Variants in FAM209B observed in about 807,000 individuals in gnomAD.
FAM209B encodes protein FAM209B.
In FAM209B, 8 loss-of-function variants were observed where a neutral mutation model predicts 8.9. The ratio of observed to expected loss-of-function variants is 0.90; its 90% CI spans 0.53 to 1.62. The LOEUF is 1.62. Among genes scored for constraint, FAM209B ranks in the 40% most tolerant of loss-of-function variants. The pLI, the probability that FAM209B is intolerant of heterozygous loss-of-function variation, is 0.00. For missense variants in FAM209B, 175 were observed against 205.3 expected (o/e 0.85, Z 0.90); for synonymous variants, 67 against 75.0 (o/e 0.89, Z 0.55).
chr20:56,536,130 A>G (rs772042666), intron 1 of FAM209B, 42 bp from the exon 2 acceptor site: 8 of 1,476,906 alleles, frequency 5.4e-6, no homozygotes, highest in Non-Finnish European at 6.3e-6. Flanking sequence ...CAAAACCAGC[A>G]AAGTCCATGA....
At chr20:56,535,760 C>G (rs1182189514) in intron 1 of FAM209B, among the ~76,000 whole-genome samples, 4 of 152,092 alleles carry the variant, frequency 2.6e-5, no homozygotes, top group Admixed American at 2.6e-4. Flanking sequence ...ACAATTCTTT[C>G]AAGTAGAAGG....
rs1312960388 is a variant in FAM209B at position 56,536,253 on chromosome 20, T to C, written c.331T>C (p.Cys111Arg). 5 of 1,609,342 alleles carry C rather than the reference T, an allele frequency of 3.1e-6. No individual in the cohort carries two copies. Among genetic ancestry groups the C allele is most frequent in the Non-Finnish European group, 4.2e-6 (5 of 1,178,338 alleles). Residue 111 changes from cysteine (C) to arginine (R), a missense_variant, in exon 2 of 2, where the codon TGT (cysteine) becomes CGT (arginine). By Grantham distance (180) the Cys-to-Arg change is radical (BLOSUM62 -3). This residue lies in a region of FAM209B where 166 missense variants were observed against 174.5 expected (regional missense o/e 0.95). Transcript: ENST00000371325. ...KNQNASLYKDCVFNTLNELEV... is the reference protein window; with the variant it reads ...KNQNASLYKDRVFNTLNELEV... ...TCAAAATGCTTCTCTTTACAAAGAC[T>C]GTGTATTCAATACCTTAAACGAACT...
chr20:56,534,619 G>A (rs933882170), intron 1 of FAM209B, among the ~76,000 whole-genome samples: 1 of 150,850 alleles, frequency 6.6e-6, no homozygotes, highest in Non-Finnish European at 1.5e-5. Flanking sequence ...GTAGTGGCGG[G>A]CGCCTGTAAT....
chr20:56,533,396 G>A lies in FAM209B; in HGVS notation c.55G>A (p.Ala19Thr), dbSNP rs1181558532. The A allele has an allele frequency of 6.2e-7, 1 of 1,614,010 alleles. No individual in the cohort carries two copies. Among genetic ancestry groups the A allele is most frequent in the Non-Finnish European group, 8.5e-7 (1 of 1,180,004 alleles). ...VLLLCLTCSY[A>T]FMFSSLRQKT... ...GCTTCTGTGCCTCACCTGCAGCTAT[G>A]CCTTTATGTTCTCTTCTCTGAGACA... is the stretch of plus-strand genomic sequence containing the variant. Residue 19 changes from alanine to threonine, a missense_variant, in exon 1 of 2, where the codon GCC becomes ACC. Around this residue, in one of 2 missense-constraint regions of FAM209B, gnomAD observed 9 missense variants for 30.8 expected, o/e 0.29. Coordinates refer to ENST00000371325, the MANE Select transcript of FAM209B (RefSeq NM_001013646.4).
rs73913967 is a variant in FAM209B at position 56,533,655 on chromosome 20, T to C, written c.249+65T>C. 755 of 1,595,520 alleles carry C rather than the reference T, an allele frequency of 4.7e-4. 1 individual carries two copies. The African/African-American group carries it at 9.1e-3, about 19-fold the overall frequency. On this transcript the variant is annotated intron_variant, in intron 1 of 1. Coordinates refer to ENST00000371325, the MANE Select transcript of FAM209B (RefSeq NM_001013646.4). The stretch of plus-strand genomic sequence containing the variant: ...ATCTCAGGAGTCTCAGGGAAACGGA[T>C]GTTCTAGTGAGTCTAGGCGGCACCG...
At chr20:56,535,024 G>A (rs1417266735) in intron 1 of FAM209B, among the ~76,000 whole-genome samples, 1 of 150,696 alleles carries the variant, frequency 6.6e-6, no homozygotes, top group Non-Finnish European at 1.5e-5. Flanking sequence ...CCTCCAGCCT[G>A]GGCAACAAGA....
chr20:56,535,446 C>T (rs1381648191), intron 1 of FAM209B, among the ~76,000 whole-genome samples: 2 of 150,584 alleles, frequency 1.3e-5, no homozygotes, highest in Non-Finnish European at 3.0e-5. Flanking sequence ...CAAAAATTAG[C>T]CGGGCATGAT....
At chr20:56,534,509 G>T (rs1421445905) in intron 1 of FAM209B, among the ~76,000 whole-genome samples, 1 of 152,036 alleles carries the variant, frequency 6.6e-6, no homozygotes, top group African/African-American at 2.4e-5. Context: ...CTAGCACTTT[G>T]GGAGGCTGAG....
In FAM209B at chr20:56,533,552, G is replaced by T; in HGVS notation, c.211G>T (p.Val71Leu). The change falls in exon 1 of 2, where the codon GTG becomes TTG. Residue 71 changes from valine to leucine, a missense_variant. Physicochemically the swap from Val to Leu is conservative, Grantham distance 32 (BLOSUM62 1). Around this residue, in one of 2 missense-constraint regions of FAM209B, gnomAD observed 166 missense variants for 174.5 expected, o/e 0.95. Coordinates refer to ENST00000371325, the MANE Select transcript of FAM209B (RefSeq NM_001013646.4). ...LWLLFAVVPF[V>L]ILQCQRDSEK... ...GCTTTTGTTTGCTGTTGTGCCGTTTGTGATACTGCAGTGTCAAAGAGACAG... is the reference window on the plus strand; with the variant it reads ...GCTTTTGTTTGCTGTTGTGCCGTTTTTGATACTGCAGTGTCAAAGAGACAG... 1 of 1,614,210 alleles carries T rather than the reference G, an allele frequency of 6.2e-7. No individual in the cohort carries two copies. Among genetic ancestry groups the T allele is most frequent in the Non-Finnish European group, 8.5e-7 (1 of 1,180,040 alleles).
intron 1 of FAM209B, 25 bp downstream of exon 1, chr20:56,533,615 C>T (rs1985857787): frequency 1.2e-5 from 19 of 1,611,238 alleles, no homozygotes; most frequent in Non-Finnish European, 1.6e-5. Flanking sequence ...ATTTTTTTTA[C>T]ACCATATTGA....
In FAM209B at chr20:56,536,325, G is replaced by C; in HGVS notation, c.403G>C (p.Gly135Arg). Residue 135 changes from glycine (G) to arginine (R), a missense_variant, in exon 2 of 2, where the codon GGT (glycine) becomes CGT (arginine). Gly to Arg is a moderately radical substitution (Grantham distance 125). Transcript: ENST00000371325. The part of the protein sequence containing the change: ...KFVSEVQNLK[G>R]AMATGSGSNL... ...TGTGTCCGAAGTGCAGAATCTTAAA[G>C]GTGCCATGGCAACAGGCAGTGGCAG... The C allele has an allele frequency of 6.2e-7, 1 of 1,614,034 alleles. No homozygotes were observed. The highest frequency in any genetic ancestry group is 8.5e-7 in the Non-Finnish European group (1 of 1,179,970).
At chr20:56,533,924 G>A (rs78767511) in intron 1 of FAM209B, among the ~76,000 whole-genome samples, 1 of 152,180 alleles carries the variant, frequency 6.6e-6, no homozygotes, top group Non-Finnish European at 1.5e-5. Flanking sequence ...GGGAGGCCAG[G>A]GCAGGTGGAT....
In FAM209B at chr20:56,536,198, C is replaced by T. The variant is rs767722944; in HGVS notation, c.276C>T (p.Gly92=). ...AGCAGAGTCCTCCTGGCCTTCGAGGCTTCCCATTTCGCACTCCACTAAAGA... is the reference window on the plus strand; with the variant it reads ...AGCAGAGTCCTCCTGGCCTTCGAGGTTTCCCATTTCGCACTCCACTAAAGA... ...NKEQSPPGLR[G]FPFRTPLKKN... is the part of the protein sequence containing the mutation. The change falls in exon 2 of 2, where the codon GGC becomes GGT. Residue 92 remains glycine, a synonymous_variant. Transcript: ENST00000371325. 13 of 1,563,858 alleles carry T rather than the reference C, an allele frequency of 8.3e-6. No homozygotes were observed. In the East Asian group the frequency reaches 1.8e-4, roughly 22 times the overall value.
Position 56,536,198 on chromosome 20 carries a change from C to A in FAM209B, c.276C>A (p.Gly92=). 6.4e-7 allele frequency: 1 copy of A among 1,563,976 alleles called. No homozygotes were observed. Among genetic ancestry groups the A allele is most frequent in the Non-Finnish European group, 8.7e-7 (1 of 1,155,906 alleles). Residue 92 remains glycine (G), a synonymous_variant, in exon 2 of 2, where the codon GGC becomes GGA. Transcript: ENST00000371325. ...NKEQSPPGLR[G]FPFRTPLKKN... is the part of the protein sequence containing the mutation. ...AGCAGAGTCCTCCTGGCCTTCGAGG[C>A]TTCCCATTTCGCACTCCACTAAAGA...
rs1037715196 is a variant in FAM209B at position 56,533,468 on chromosome 20, C to G, written c.127C>G (p.Arg43Gly). The change falls in exon 1 of 2, where the codon CGG (arginine) becomes GGG (glycine). Residue 43 changes from arginine to glycine, a missense_variant. Arg to Gly is a moderately radical substitution (Grantham distance 125). Coordinates refer to ENST00000371325, the MANE Select transcript of FAM209B (RefSeq NM_001013646.4). ...QGKVPCGEHF[R>G]IRQNLPEHTQ... is the part of the protein sequence containing the mutation. ...GAAGGTGCCGTGTGGAGAGCACTTT[C>G]GGATTCGGCAGAACCTACCAGAGCA... 1.2e-6 allele frequency: 2 copies of G among 1,614,100 alleles called. No homozygotes were observed.
At chr20:56,533,974 G>A (rs568686783) in intron 1 of FAM209B, among the ~76,000 whole-genome samples, 7 of 152,196 alleles carry the variant, frequency 4.6e-5, no homozygotes, top group East Asian at 1.9e-4. Context: ...TGGCCAACAC[G>A]GTGAAACCCC....
chr20:56,533,306 C>T lies in FAM209B; in HGVS notation c.-36C>T, dbSNP rs777150071. 4.0e-5 allele frequency: 64 copies of T among 1,608,572 alleles called. No homozygotes were observed. The South Asian group carries it at 4.2e-4, about 11-fold the overall frequency. ...TTCCAGTTGCGAGGGCAAGCAAACC[C>T]GTCATGAGCAACTCCCTTCCCCATC... On this transcript the variant is annotated 5_prime_UTR_variant, in exon 1 of 2. Transcript: ENST00000371325.
chr20:56,536,276 A>T lies in FAM209B; in HGVS notation c.354A>T (p.Glu118Asp), dbSNP rs1452936248. Reference protein sequence around the residue: ...YKDCVFNTLNELEVELLKFVS... With the variant: ...YKDCVFNTLNDLEVELLKFVS... ...ACTGTGTATTCAATACCTTAAACGA[A>T]CTTGAAGTGGAGCTTTTGAAATTTG... The change falls in exon 2 of 2, where the codon GAA (glutamate) becomes GAT (aspartate). Residue 118 changes from glutamate to aspartate, a missense_variant. Coordinates refer to ENST00000371325, the MANE Select transcript of FAM209B (RefSeq NM_001013646.4). 1.2e-6 allele frequency: 2 copies of T among 1,613,354 alleles called. No individual in the cohort carries two copies. Among genetic ancestry groups the T allele is most frequent in the Non-Finnish European group, 1.7e-6 (2 of 1,179,856 alleles).
intron 1 of FAM209B, among the ~76,000 whole-genome samples, chr20:56,534,882 C>T (rs1447824575): frequency 2.7e-5 from 4 of 150,618 alleles, no homozygotes; most frequent in South Asian, 2.1e-4. Context: ...GGAGAAAGCC[C>T]GTCTCTACTA....
Sources: allele counts gnomAD v4.1 joint callset (sites outside exome capture counted in the v4.1 genomes callset), GRCh38; gene constraint gnomAD v4.1.1; regional missense constraint gnomAD v4.1.1; transcripts MANE v1.5; gene names NCBI Gene and HGNC (gene_info 2026-07-23, HGNC 2026-07-21).